KDM4A: variants seen among roughly 807,000 people sequenced by gnomAD.
KDM4A encodes lysine-specific demethylase 4A.
Under a neutral mutation model 127.1 loss-of-function variants are expected in KDM4A, and 23 were observed. That is an observed-to-expected ratio of 0.18 (90% CI 0.13 to 0.26). The LOEUF (loss-of-function observed/expected upper bound fraction) is 0.26, where lower values mean the gene tolerates loss of function less well. Among genes scored for constraint, KDM4A ranks in the 10% least tolerant of loss-of-function variants. The probability of loss-of-function intolerance (pLI) is 1.00; values close to 1 mark genes in which losing one functional copy is unlikely to be tolerated. For missense variants in KDM4A, 890 were observed against 1,329.1 expected (o/e 0.67, Z 5.14); for synonymous variants, 443 against 466.5 (o/e 0.95, Z 0.65).
At position 43,688,870 on chromosome 1, in the gene KDM4A, T is replaced by C; in HGVS notation, c.1856-44T>C. ...TCTGTTCTCCAGGCAGAGCCACAGA[T>C]GTGCAGGGTTAGTGCTGACTCACAC... is the stretch of plus-strand genomic sequence containing the variant. On this transcript the variant is annotated intron_variant, in intron 12 of 21. Transcript: ENST00000372396. This position sits in a 1 kb window ranked among gnomAD's most constrained non-coding sequence, Gnocchi z 4.4. 1.3e-6 allele frequency: 2 copies of C among 1,561,024 alleles called. No individual in the cohort carries two copies. Among genetic ancestry groups the C allele is most frequent in the Non-Finnish European group, 1.8e-6 (2 of 1,137,632 alleles).
chr1:43,676,390 C>T (rs539530188), intron 11 of KDM4A, among the ~76,000 whole-genome samples: 11 of 152,096 alleles, frequency 7.2e-5, no homozygotes, highest in African/African-American at 1.2e-4. Context: ...GGCATGATCT[C>T]GGCTCACTGC....
Position 43,655,731 on chromosome 1 carries a change from T to C in KDM4A, c.279T>C (p.Thr93=). ...ACAACATACAGAAGAAAGCCATGAC[T>C]GTTCGAGAGTTCCGCAAGATAGCCA... The part of the protein sequence containing the change: ...TQYNIQKKAM[T]VREFRKIANS... The change falls in exon 3 of 22, where the codon ACT becomes ACC. Residue 93 remains threonine (T), a synonymous_variant. Coordinates refer to ENST00000372396, the MANE Select transcript of KDM4A (RefSeq NM_014663.3). 6.2e-7 allele frequency: 1 copy of C among 1,611,998 alleles called. No homozygotes were observed. Among genetic ancestry groups the C allele is most frequent in the Non-Finnish European group, 8.5e-7 (1 of 1,179,118 alleles).
rs1661190280 is a variant in KDM4A at position 43,694,323 on chromosome 1, C to G, written c.2484+221C>G. On this transcript the variant is annotated intron_variant, in intron 17 of 21. Transcript: ENST00000372396. The surrounding 1 kb of genome is among the most constrained non-coding windows in gnomAD (Gnocchi z 5.2). ...CTTGAGGTCAGGAGTTCAAGACCAG[C>G]CTGGGCAACATGGTGAAACCCCGAC... 2.6e-5 allele frequency among the ~76,000 whole-genome samples: 4 copies of G among 152,016 alleles called. No individual in the cohort carries two copies. The highest frequency in any genetic ancestry group is 2.6e-4 in the Admixed American group (4 of 15,250).
intron 19 of KDM4A, 75 bp downstream of exon 19, chr1:43,698,088 GTGTA>G (rs1661287170): frequency 1.4e-6 from 2 of 1,404,026 alleles, no homozygotes; most frequent in African/African-American, 2.9e-5. Flanking sequence ...CAGACTGTGT[GTGTA>G]TGCCTGCTTC....
chr1:43,700,527 GTTTT>G (rs981727136), intron 19 of KDM4A, among the ~76,000 whole-genome samples: 3 of 151,548 alleles, frequency 2.0e-5, no homozygotes, highest in African/African-American at 4.9e-5. Context: ...TTGTTTGTTT[GTTTT>G]AAGAGATGAT....
chr1:43,664,061 G>A (rs1284612686), intron 5 of KDM4A, among the ~76,000 whole-genome samples: 1 of 152,188 alleles, frequency 6.6e-6, no homozygotes, highest in East Asian at 1.9e-4. Context: ...ATACGGTGTG[G>A]GGACAGCTCT....
At chr1:43,684,878 G>A (rs1660936717) in intron 12 of KDM4A, among the ~76,000 whole-genome samples, 1 of 152,210 alleles carries the variant, frequency 6.6e-6, no homozygotes, top group African/African-American at 2.4e-5. Context: ...AAGTAGGATG[G>A]TGGTGGTAGG....
intron 18 of KDM4A, among the ~76,000 whole-genome samples, chr1:43,696,392 AAG>A (rs916732727): frequency 6.6e-6 from 1 of 152,206 alleles, no homozygotes; most frequent in African/African-American, 2.4e-5. Flanking sequence ...TAATCAAAGG[AAG>A]AACGTGATAG....
intron 13 of KDM4A, 160 bp from the exon 14 acceptor site, chr1:43,690,685 G>A: frequency 1.4e-6 from 1 of 719,890 alleles, no homozygotes; most frequent in Non-Finnish European, 2.5e-6. Flanking sequence ...AGTCATTACA[G>A]GTAACTTCAA....
At chr1:43,684,004 C>T (rs1375668315) in intron 12 of KDM4A, among the ~76,000 whole-genome samples, 200 bp downstream of exon 12, 2 of 152,230 alleles carry the variant, frequency 1.3e-5, no homozygotes, top group Non-Finnish European at 2.9e-5. Context: ...GAGTATCTTG[C>T]AGTGTACCTT....
intron 10 of KDM4A, 92 bp from the exon 11 acceptor site, chr1:43,671,413 G>A (rs564600824): frequency 1.1e-5 from 15 of 1,365,304 alleles, no homozygotes; most frequent in African/African-American, 5.9e-5. Context: ...CCCATTCCCC[G>A]CCCATGTTCC....
At chr1:43,671,948 G>C (rs1392855929) in intron 11 of KDM4A, 73 bp downstream of exon 11, 3 of 1,470,488 alleles carry the variant, frequency 2.0e-6, no homozygotes, top group Admixed American at 2.4e-5. Flanking sequence ...GGATCTGTGT[G>C]GGGGAGGGAG....
chr1:43,659,478 C>T (rs756533797), intron 3 of KDM4A, among the ~76,000 whole-genome samples: 32 of 152,178 alleles, frequency 2.1e-4, no homozygotes, highest in South Asian at 6.2e-4. Flanking sequence ...GCCACCACGC[C>T]CCTCTAATTT....
At chr1:43,692,165 A>T (rs1661132749) in intron 15 of KDM4A, 91 bp from the exon 16 acceptor site, 1 of 1,088,748 alleles carries the variant, frequency 9.2e-7, no homozygotes. Context: ...TCTTATGTGG[A>T]GGAGTTGCCC....
chr1:43,704,408 C>A lies in KDM4A; in HGVS notation c.*38C>A, dbSNP rs767065339. The A allele has an allele frequency of 1.0e-5, 16 of 1,594,488 alleles. No homozygotes were observed. In the Middle Eastern group the frequency reaches 5.0e-4, roughly 50 times the overall value. On this transcript the variant is annotated 3_prime_UTR_variant, in exon 22 of 22. Transcript: ENST00000372396. ...TCCAAGGGATTCTCAGCCATCCAGG[C>A]AAGAGCACTCTGGGTTCCACAGCAC...
chr1:43,667,906 A>G lies in KDM4A; in HGVS notation c.1050A>G (p.Ala350=). The change falls in exon 9 of 22, where the codon GCA becomes GCG. Residue 350 remains alanine (A), a synonymous_variant. Coordinates refer to ENST00000372396, the MANE Select transcript of KDM4A (RefSeq NM_014663.3). ...VIDHTLPTPE[A]AEFLKESELP... is the part of the protein sequence containing the mutation. ...ACCATACTCTGCCCACGCCAGAAGC[A>G]GCTGAGTTTCTTAAGGAGAGTGAAC... 6.2e-7 allele frequency: 1 copy of G among 1,614,210 alleles called. No homozygotes were observed. The highest frequency in any genetic ancestry group is 1.1e-5 in the South Asian group (1 of 91,086).
rs1263236111 is a variant in KDM4A at position 43,662,968 on chromosome 1, T to C, written c.504T>C (p.Ile168=). The C allele has an allele frequency of 2.5e-6, 4 of 1,614,082 alleles. No homozygotes were observed. The African/African-American group carries it at 5.3e-5, about 22-fold the overall frequency. The change falls in exon 5 of 22, where the codon ATT becomes ATC. Residue 168 remains isoleucine (I), a synonymous_variant. Transcript: ENST00000372396. The part of the protein sequence containing the change: ...DLVEKESGIT[I]EGVNTPYLYF... ...TGGAAAAGGAGAGTGGGATCACCATTGAGGGTGTGAACACCCCATACCTGT... is the reference window on the plus strand; with the variant it reads ...TGGAAAAGGAGAGTGGGATCACCATCGAGGGTGTGAACACCCCATACCTGT...
At chr1:43,655,079 A>G (rs980599125) in intron 2 of KDM4A, among the ~76,000 whole-genome samples, 8 of 152,072 alleles carry the variant, frequency 5.3e-5, no homozygotes, top group African/African-American at 1.9e-4. Flanking sequence ...TCAAACTCTG[A>G]CCTCAGGTGA....
chr1:43,699,091 ATTTT>A (rs61194980), intron 19 of KDM4A, among the ~76,000 whole-genome samples: 3 of 126,416 alleles, frequency 2.4e-5, no homozygotes, highest in East Asian at 4.6e-4. Context: ...GCCTGGCCTT[ATTTT>A]TTTTTTTTTT....
Sources: gnomAD v4.1 joint callset for allele counts (sites outside exome capture counted in the v4.1 genomes callset) on GRCh38, gnomAD v4.1.1 for gene constraint, Gnocchi (gnomAD v3.1) non-coding constraint, MANE v1.5 for transcripts, NCBI Gene and HGNC (gene_info 2026-07-23, HGNC 2026-07-21) for gene names.